The following ADAMTSL1 variants were observed in gnomAD, a reference collection of about 807,000 sequenced individuals.
The protein encoded by ADAMTSL1 is ADAMTS like 1.
A neutral mutation model predicts 201.8 loss-of-function variants in ADAMTSL1; 126 were observed. The observed-to-expected ratio is 0.62, with a 90% CI of 0.54 to 0.72. ADAMTSL1 has a LOEUF of 0.72. Among genes scored for constraint, ADAMTSL1 ranks in the 30% least tolerant of loss-of-function variants. The pLI is 0.00. For synonymous variants in ADAMTSL1, 1,121 were observed against 903.4 expected, an observed-to-expected ratio of 1.24 and a Z score of -4.32; for missense variants, 2,679 against 2,277.8, an observed-to-expected ratio of 1.18 and a Z score of -3.59.
chr9:18,094,910 AGGCAAATGCCACCT>A (rs1384008921), intron 1 of ADAMTSL1, among the ~76,000 whole-genome samples: 1 of 151,988 alleles, frequency 6.6e-6, no homozygotes, highest in Non-Finnish European at 1.5e-5. Context: ...CATCAGGTTC[AGGCAAATGCCACCT>A]AAATCTAAAC....
chr9:18,683,053 C>T (rs915905155), intron 12 of ADAMTSL1, among the ~76,000 whole-genome samples: 7 of 152,156 alleles, frequency 4.6e-5, no homozygotes, highest in African/African-American at 1.7e-4. Flanking sequence ...TCCTGACTAT[C>T]GTCAGTGCCC....
At chr9:18,043,647 C>A (rs1821529357) in intron 1 of ADAMTSL1, among the ~76,000 whole-genome samples, 3 of 151,904 alleles carry the variant, frequency 2.0e-5, no homozygotes. Context: ...CAGCAAAGGG[C>A]AGAAGACTAC....
intron 23 of ADAMTSL1, among the ~76,000 whole-genome samples, chr9:18,836,815 C>A (rs146139084): frequency 1.3e-5 from 2 of 152,066 alleles, no homozygotes; most frequent in Admixed American, 6.5e-5. Context: ...AGATCTTTAA[C>A]CTTCTTGGTC....
rs1298676220 is a variant in ADAMTSL1, at chr9:18,777,298, C to T, written c.3069C>T (p.Asp1023=). Residue 1023 remains aspartate, a synonymous_variant, in exon 19 of 29, where the codon GAC becomes GAT. Transcript: ENST00000380548. ...LAANPGSRYD[D]LVSRLLEQGG... is the part of the protein sequence containing the mutation. ...CCAACCCGGGGAGCCGCTACGACGA[C>T]CTCGTCTCCCGGCTGCTGGAGCAGG... 1 of 1,605,152 alleles carries T rather than the reference C, an allele frequency of 6.2e-7. No individual in the cohort carries two copies. The highest frequency in any genetic ancestry group is 8.5e-7 in the Non-Finnish European group (1 of 1,176,036).
At chr9:18,383,383 T>C (rs544137212) in intron 2 of ADAMTSL1, among the ~76,000 whole-genome samples, 2 of 151,968 alleles carry the variant, frequency 1.3e-5, no homozygotes, top group African/African-American at 4.8e-5. Context: ...TTTGAGTACG[T>C]GTTTAAGGCC....
exon 2 of ADAMTSL1, chr9:18,163,864 A>G (rs1171869750): frequency 6.6e-6 from 1 of 152,048 alleles, no homozygotes; most frequent in Non-Finnish European, 1.5e-5. Flanking sequence ...CTCTCTAGGT[A>G]TGCGGAGACC....
rs568167923 is a variant in ADAMTSL1 at position 18,169,343 on chromosome 9, T to C, written c.207+5362T>C. Among the ~76,000 whole-genome samples the C allele has an allele frequency of 2.6e-5, 4 of 152,192 alleles. No homozygotes were observed. The South Asian group carries it at 6.2e-4, about 24-fold the overall frequency. ...GGATCCAGTTTCAGCTTTCTACATA[T>C]GGCTAGCCAGTTTTCCCAGCACCAC... On this transcript the variant is annotated intron_variant, in intron 2 of 29. Coordinates refer to the ADAMTSL1 transcript ENST00000680146.
At chr9:18,741,456 G>C (rs1214921375) in intron 15 of ADAMTSL1, among the ~76,000 whole-genome samples, 1 of 152,154 alleles carries the variant, frequency 6.6e-6, no homozygotes. Flanking sequence ...GCCTTCCCAG[G>C]CATTTCACTT....
At chr9:18,435,319 C>CAA (rs2133425898) in intron 2 of ADAMTSL1, among the ~76,000 whole-genome samples, 1 of 152,228 alleles carries the variant, frequency 6.6e-6, no homozygotes, top group African/African-American at 2.4e-5. Flanking sequence ...TAGACTTTAG[C>CAA]AAATATTCAT....
chr9:18,471,408 G>A (rs935539896), upstream of ADAMTSL1, among the ~76,000 whole-genome samples: 3 of 152,164 alleles, frequency 2.0e-5, no homozygotes, highest in African/African-American at 4.8e-5. Flanking sequence ...CAGTTTCCAC[G>A]TACATAAAAT....
At chr9:18,107,744 A>G (rs1035209811) in intron 1 of ADAMTSL1, among the ~76,000 whole-genome samples, 2 of 152,182 alleles carry the variant, frequency 1.3e-5, no homozygotes, top group African/African-American at 4.8e-5. Context: ...TACCCCAAAC[A>G]TTAAATCATT....
chr9:18,147,098 C>A (rs138331240), intron 1 of ADAMTSL1, among the ~76,000 whole-genome samples: 1 of 152,020 alleles, frequency 6.6e-6, no homozygotes, highest in African/African-American at 2.4e-5. Flanking sequence ...TCTAAGAAAA[C>A]ACAGTCCCGT....
chr9:18,798,870 T>G (rs1015416565), intron 20 of ADAMTSL1, among the ~76,000 whole-genome samples: 9 of 152,342 alleles, frequency 5.9e-5, no homozygotes, highest in Middle Eastern at 3.4e-3. Flanking sequence ...TAAACACCAT[T>G]TAGTTTTAGA....
chr9:18,287,627 A>G (rs371613574), intron 2 of ADAMTSL1, among the ~76,000 whole-genome samples: 5 of 11,718 alleles, frequency 4.3e-4, no homozygotes, highest in African/African-American at 2.6e-3. Flanking sequence ...GTGTATACAT[A>G]TACGCATATA....
At chr9:17,921,259 A>G (rs915353294) in intron 1 of ADAMTSL1, among the ~76,000 whole-genome samples, 4 of 152,082 alleles carry the variant, frequency 2.6e-5, no homozygotes, top group Non-Finnish European at 5.9e-5. Flanking sequence ...AACTTCACTC[A>G]TCTCCCTCTT....
At chr9:18,812,967 C>CTTTT (rs35159482) in intron 20 of ADAMTSL1, among the ~76,000 whole-genome samples, 4 of 118,616 alleles carry the variant, frequency 3.4e-5, no homozygotes, top group African/African-American at 1.0e-4. Flanking sequence ...CAGCTATGTA[C>CTTTT]TTTTTTTTTT....
At chr9:18,099,326 A>ATATATAT (rs1824387699) in intron 1 of ADAMTSL1, among the ~76,000 whole-genome samples, 1 of 57,602 alleles carries the variant, frequency 1.7e-5, no homozygotes, top group African/African-American at 8.1e-5. Flanking sequence ...GCAAATGGAA[A>ATATATAT]ATATATATAT....
chr9:17,954,308 T>A (rs1827845563), intron 1 of ADAMTSL1, among the ~76,000 whole-genome samples: 1 of 152,194 alleles, frequency 6.6e-6, no homozygotes, highest in Non-Finnish European at 1.5e-5. Context: ...TTCTGCCACG[T>A]TCTATTGATC....
At chr9:18,715,769 A>G (rs1370304188) in intron 14 of ADAMTSL1, among the ~76,000 whole-genome samples, 6 of 151,564 alleles carry the variant, frequency 4.0e-5, no homozygotes, top group Non-Finnish European at 5.9e-5. Context: ...AAAAGAGCCC[A>G]CATTGCCCAG....
Sources: allele counts gnomAD v4.1 joint callset (sites outside exome capture counted in the v4.1 genomes callset), GRCh38; gene constraint gnomAD v4.1.1; transcripts MANE v1.5; gene names NCBI Gene and HGNC (gene_info 2026-07-23, HGNC 2026-07-21).